The following CRPPA variants were observed in gnomAD, a reference collection of about 807,000 sequenced individuals.
The protein encoded by CRPPA is D-ribitol-5-phosphate cytidylyltransferase.
CRPPA carries 43 observed loss-of-function variants against 52.0 expected under a neutral mutation model. The observed-to-expected ratio is 0.83, with a 90% CI of 0.65 to 1.07. The LOEUF (loss-of-function observed/expected upper bound fraction) is 1.07, where lower values mean the gene tolerates loss of function less well. Ranked by LOEUF, CRPPA falls within the 50% of genes least tolerant of loss-of-function variation. The probability of loss-of-function intolerance (pLI) is 0.00; values close to 1 mark genes in which losing one functional copy is unlikely to be tolerated. For synonymous variants in CRPPA, 250 were observed against 203.5 expected (o/e 1.23, Z -1.94); for missense variants, 629 against 551.7 (o/e 1.14, Z -1.40).
chr7:16,306,858 T>G (rs887576107), intron 4 of CRPPA, among the ~76,000 whole-genome samples: 1 of 152,122 alleles, frequency 6.6e-6, no homozygotes, highest in South Asian at 2.1e-4. Flanking sequence ...AGGCAGACAT[T>G]TTAGGTTGTC....
At chr7:16,271,282 T>G (rs375703113) in intron 6 of CRPPA, among the ~76,000 whole-genome samples, 2 of 152,168 alleles carry the variant, frequency 1.3e-5, no homozygotes, top group East Asian at 3.9e-4. Flanking sequence ...CATTTAGAGG[T>G]AATGTGATGT....
intron 9 of CRPPA, among the ~76,000 whole-genome samples, chr7:16,117,310 A>G (rs538605936): frequency 6.6e-6 from 1 of 151,812 alleles, no homozygotes; most frequent in South Asian, 2.1e-4. Flanking sequence ...ATCAGGGGTG[A>G]GTTCTCTTTG....
At chr7:16,197,904 G>A (rs1781772865) in intron 9 of CRPPA, among the ~76,000 whole-genome samples, 1 of 149,436 alleles carries the variant, frequency 6.7e-6, no homozygotes, top group East Asian at 2.3e-4. Context: ...AGAGTTAAAT[G>A]GATTAAGGGC....
intron 9 of CRPPA, among the ~76,000 whole-genome samples, chr7:16,107,667 A>C (rs1388540373): frequency 5.3e-5 from 8 of 152,080 alleles, no homozygotes; most frequent in African/African-American, 1.9e-4. Context: ...TATGAACTAT[A>C]AAAAAGCAAA....
Position 16,089,470 on chromosome 7 carries a change from T to C in CRPPA, c.*2225A>G, listed in dbSNP as rs778279279. ...GTGCATACATATATGTGTATATATG[T>C]ACGTACATATATACGGGTATATATG... is the stretch of plus-strand genomic sequence containing the variant. On this transcript the variant is annotated 3_prime_UTR_variant, in exon 10 of 10. Transcript: ENST00000407010. 2.3e-4 allele frequency: 74 copies of C among 324,128 alleles called. No homozygotes were observed. The highest frequency in any genetic ancestry group is 4.4e-4 in the Non-Finnish European group (64 of 146,540). 20.1% of individuals were successfully genotyped at this position (324,128 alleles called of 1,614,324 possible). A position where few individuals can be genotyped will look rare whatever the true frequency, so the allele number is the denominator to read the frequency against.
At chr7:16,145,132 T>TA (rs1361504587) in intron 9 of CRPPA, among the ~76,000 whole-genome samples, 3 of 152,208 alleles carry the variant, frequency 2.0e-5, no homozygotes, top group Non-Finnish European at 4.4e-5. Context: ...CATAGTGACC[T>TA]AGGCTCCATC....
intron 9 of CRPPA, among the ~76,000 whole-genome samples, chr7:16,160,854 G>T (rs186133967): frequency 6.6e-6 from 1 of 152,144 alleles, no homozygotes; most frequent in Non-Finnish European, 1.5e-5. Context: ...GTGGCTTGTA[G>T]TTCTCCTTGA....
intron 8 of CRPPA, among the ~76,000 whole-genome samples, chr7:16,257,466 A>G (rs982262830): frequency 9.9e-5 from 15 of 152,134 alleles, no homozygotes; most frequent in African/African-American, 3.6e-4. Flanking sequence ...AACCAGATGC[A>G]ACCATGAAAG....
At chr7:16,382,153 T>C (rs1035689317) in intron 2 of CRPPA, among the ~76,000 whole-genome samples, 15 of 152,260 alleles carry the variant, frequency 9.9e-5, no homozygotes, top group African/African-American at 3.1e-4. Flanking sequence ...CCATGTTTAG[T>C]GCTTCCTTCA....
intron 2 of CRPPA, among the ~76,000 whole-genome samples, chr7:16,405,165 T>C (rs1200668473): frequency 1.3e-5 from 2 of 152,004 alleles, no homozygotes; most frequent in East Asian, 1.9e-4. Context: ...TGTTGGCCTA[T>C]AATCTTAGAG....
At chr7:16,119,279 G>A (rs942544108) in intron 9 of CRPPA, among the ~76,000 whole-genome samples, 1 of 152,048 alleles carries the variant, frequency 6.6e-6, no homozygotes, top group African/African-American at 2.4e-5. Context: ...CCCTGGGCAG[G>A]CACACAGTAG....
At chr7:16,302,831 C>T (rs1217990203) in intron 4 of CRPPA, among the ~76,000 whole-genome samples, 1 of 142,038 alleles carries the variant, frequency 7.0e-6, no homozygotes, top group African/African-American at 2.4e-5. Context: ...CACTACAGGA[C>T]TGATTTTTTT....
At chr7:16,229,247 T>A (rs922993299) in intron 8 of CRPPA, among the ~76,000 whole-genome samples, 21 of 151,952 alleles carry the variant, frequency 1.4e-4, no homozygotes, top group Non-Finnish European at 2.7e-4. Flanking sequence ...ACTTTATGTC[T>A]TTTGATTGGA....
At chr7:16,237,834 A>C (rs542256753) in intron 8 of CRPPA, among the ~76,000 whole-genome samples, 1 of 152,162 alleles carries the variant, frequency 6.6e-6, no homozygotes, top group Non-Finnish European at 1.5e-5. Flanking sequence ...GGCTCTTTCT[A>C]ATTCCAACCA....
chr7:16,402,376 GC>G (rs1787839933), intron 2 of CRPPA, among the ~76,000 whole-genome samples: 1 of 152,142 alleles, frequency 6.6e-6, no homozygotes, highest in Non-Finnish European at 1.5e-5. Flanking sequence ...AAAAATCCTT[GC>G]CTCAGAAACA....
At chr7:16,383,475 A>G (rs113078197) in intron 2 of CRPPA, among the ~76,000 whole-genome samples, 3,984 of 152,302 alleles carry the variant, frequency 0.026, 72 homozygotes, top group East Asian at 0.13. Context: ...CAGTCTGCCC[A>G]TTCTCAATAC....
intron 9 of CRPPA, among the ~76,000 whole-genome samples, chr7:16,120,215 A>C (rs1305318655): frequency 6.6e-6 from 1 of 152,176 alleles, no homozygotes; most frequent in Non-Finnish European, 1.5e-5. Context: ...GACCTTGGTC[A>C]GGTCTGTATC....
rs771664260 is a variant in CRPPA, at chr7:16,089,603, ATG to A, written c.*2090_*2091del. On this transcript the variant is annotated 3_prime_UTR_variant, in exon 10 of 10. Coordinates refer to ENST00000407010, the MANE Select transcript of CRPPA (RefSeq NM_001101426.4). ...TATACATGCATGTATATACATATAT[ATG>A]GGTATACATACATGTATATGTATGT... 8.9e-6 allele frequency: 2 copies of A among 223,524 alleles called. No individual in the cohort carries two copies. Among genetic ancestry groups the A allele is most frequent in the Non-Finnish European group, 2.0e-5 (2 of 102,038 alleles). 13.8% of individuals were successfully genotyped at this position (223,524 alleles called of 1,614,324 possible).
intron 9 of CRPPA, among the ~76,000 whole-genome samples, chr7:16,187,284 A>G (rs986977505): frequency 5.9e-5 from 9 of 152,198 alleles, no homozygotes; most frequent in African/African-American, 2.2e-4. Context: ...ATGGTACACT[A>G]AAAACATAAA....
Sources: gnomAD v4.1 joint callset for allele counts (sites outside exome capture counted in the v4.1 genomes callset) on GRCh38, gnomAD v4.1.1 for gene constraint, MANE v1.5 for transcripts, NCBI Gene and HGNC (gene_info 2026-07-23, HGNC 2026-07-21) for gene names.